Variants in CNNM2 observed in about 807,000 individuals in gnomAD.
The protein encoded by CNNM2 is metal transporter CNNM2.
Under a neutral mutation model 66.9 loss-of-function variants are expected in CNNM2, and 12 were observed. The ratio of observed to expected loss-of-function variants is 0.18; its 90% CI spans 0.11 to 0.29. The LOEUF is 0.29. Ranked by LOEUF, CNNM2 falls within the 10% of genes least tolerant of loss-of-function variation. The pLI is 1.00. For missense variants in CNNM2, 705 were observed against 1,167.7 expected, an observed-to-expected ratio of 0.60 and a Z score of 5.77; for synonymous variants, 557 against 501.8, an observed-to-expected ratio of 1.11 and a Z score of -1.47.
At chr10:102,970,955 C>T (rs2063537946) in intron 1 of CNNM2, among the ~76,000 whole-genome samples, 1 of 151,658 alleles carries the variant, frequency 6.6e-6, no homozygotes, top group African/African-American at 2.4e-5. Context: ...CTTTGGGAGG[C>T]CAAGGTAGGA....
At chr10:103,021,635 T>C (rs1207587183) in intron 1 of CNNM2, among the ~76,000 whole-genome samples, 2 of 152,124 alleles carry the variant, frequency 1.3e-5, no homozygotes, top group African/African-American at 2.4e-5. Flanking sequence ...CCTCTTGACT[T>C]CTGCTGCTTC....
chr10:102,954,199 C>T (rs1235691365), intron 1 of CNNM2, among the ~76,000 whole-genome samples: 6 of 148,820 alleles, frequency 4.0e-5, no homozygotes, highest in African/African-American at 1.5e-4. Flanking sequence ...GTGATTATAG[C>T]TCACTTTAGC....
intron 1 of CNNM2, among the ~76,000 whole-genome samples, chr10:103,023,185 A>G (rs1387625030): frequency 6.6e-6 from 1 of 152,212 alleles, no homozygotes; most frequent in Non-Finnish European, 1.5e-5. Flanking sequence ...GATTACAGGC[A>G]TAAGCCACCA....
At chr10:103,025,986 G>A (rs2064694625) in intron 1 of CNNM2, among the ~76,000 whole-genome samples, 1 of 152,180 alleles carries the variant, frequency 6.6e-6, no homozygotes, top group African/African-American at 2.4e-5. Context: ...TGAATGGATT[G>A]GTGTCATTAT....
Position 102,918,415 on chromosome 10 carries a change from G to A in CNNM2, c.-66G>A, listed in dbSNP as rs1845491456. On this transcript the variant is annotated 5_prime_UTR_variant, in exon 1 of 8. Coordinates refer to ENST00000369878, the MANE Select transcript of CNNM2 (RefSeq NM_017649.5). The surrounding 1 kb of genome is among the most constrained non-coding windows in gnomAD (Gnocchi z 4.1). The stretch of plus-strand genomic sequence containing the variant: ...GGACGCTCCGTTGCAGTCTCGCCCA[G>A]GGGCCGGTACCTGCGCTCGCGCCGC... 2 of 1,556,132 alleles carry A rather than the reference G, an allele frequency of 1.3e-6. No individual in the cohort carries two copies. The highest frequency in any genetic ancestry group is 1.7e-6 in the Non-Finnish European group (2 of 1,157,784).
chr10:103,020,156 CTTT>C (rs753529269), intron 1 of CNNM2, among the ~76,000 whole-genome samples: 1 of 145,098 alleles, frequency 6.9e-6, no homozygotes, highest in African/African-American at 2.5e-5. Flanking sequence ...CATTTTTGTT[CTTT>C]TTTTTTTTCG....
chr10:102,936,517 C>CTTTTTTTTT (rs34398870), intron 1 of CNNM2, among the ~76,000 whole-genome samples: 1 of 123,828 alleles, frequency 8.1e-6, no homozygotes. Context: ...AAACTCTTTG[C>CTTTTTTTTT]TTTTTTTTTT....
chr10:102,920,040 C>G lies in CNNM2; in HGVS notation c.1560C>G (p.His520Gln). The change falls in exon 1 of 8, where the codon CAC (histidine) becomes CAG (glutamine). Residue 520 changes from histidine (H) to glutamine (Q), a missense_variant. This residue lies in a region of CNNM2 where 171 missense variants were observed against 304.8 expected (regional missense o/e 0.56). Coordinates refer to ENST00000369878, the MANE Select transcript of CNNM2 (RefSeq NM_017649.5). ...AAACCATCACCAAATTTTATAACCACCCCTTGCACTTTGTTTTCAATGACA... is the reference window on the plus strand; with the variant it reads ...AAACCATCACCAAATTTTATAACCAGCCCTTGCACTTTGTTTTCAATGACA... ...PLKTITKFYN[H>Q]PLHFVFNDTK... 1 of 1,614,218 alleles carries G rather than the reference C, an allele frequency of 6.2e-7. No individual in the cohort carries two copies. Among genetic ancestry groups the G allele is most frequent in the Non-Finnish European group, 8.5e-7 (1 of 1,180,050 alleles).
chr10:103,017,981 A>G (rs940338668), intron 1 of CNNM2, among the ~76,000 whole-genome samples: 3 of 148,964 alleles, frequency 2.0e-5, no homozygotes, highest in South Asian at 2.2e-4. Context: ...AAAAAAAAAA[A>G]GGCAAGCCGC....
At position 103,071,796 on chromosome 10, in the gene CNNM2, C is replaced by T. The variant is rs1021927212; in HGVS notation, c.2190C>T (p.Thr730=). The change falls in exon 6 of 8, where the codon ACC becomes ACT. Residue 730 remains threonine, a synonymous_variant. Coordinates refer to ENST00000369878, the MANE Select transcript of CNNM2 (RefSeq NM_017649.5). ...ASPVPLSLSR[T]FVVSRTELLA... is the part of the protein sequence containing the mutation. ...CAGTTCCTTTGTCCCTGTCTCGTAC[C>T]TTTGTTGTCAGCAGAACAGAGTTGT... The T allele has an allele frequency of 2.9e-5, 47 of 1,613,800 alleles. No individual in the cohort carries two copies. The East Asian group carries it at 1.0e-3, about 35-fold the overall frequency.
Position 103,081,779 on chromosome 10 carries a change from C to G in CNNM2, c.*4599C>G, listed in dbSNP as rs983933232. The G allele has an allele frequency of 5.3e-5, 8 of 152,176 alleles. No individual in the cohort carries two copies. The highest frequency in any genetic ancestry group is 1.9e-4 in the African/African-American group (8 of 41,432). The allele number at this position is 152,176 out of a possible 1,614,324, so 9.4% of individuals were successfully genotyped here. On this transcript the variant is annotated 3_prime_UTR_variant, in exon 8 of 8. Transcript: ENST00000369878. The stretch of plus-strand genomic sequence containing the variant: ...CTACCTTCTTTCCTATCTGGAGATT[C>G]ATATTCTAGAGTCCCTGGTCAACCC...
chr10:103,088,265 C>T lies in CNNM2; in HGVS notation c.*11085C>T, dbSNP rs2065936358. On this transcript the variant is annotated 3_prime_UTR_variant, in exon 8 of 8. Transcript: ENST00000369878. ...AATGGTTAAAGAAAGAGTCTATAAC[C>T]ACTGTTTGTTTAAAATGTTGAAACA... The T allele has an allele frequency of 6.6e-6, 1 of 152,200 alleles. No individual in the cohort carries two copies. The highest frequency in any genetic ancestry group is 2.4e-5 in the African/African-American group (1 of 41,450). The allele number at this position is 152,200 out of a possible 1,614,324, so 9.4% of individuals were successfully genotyped here.
intron 1 of CNNM2, among the ~76,000 whole-genome samples, chr10:102,964,568 A>C (rs1377084343): frequency 6.6e-6 from 1 of 152,166 alleles, no homozygotes; most frequent in Non-Finnish European, 1.5e-5. Context: ...TAGTCTTGGC[A>C]TCAGGTGTCC....
At chr10:102,975,791 A>G (rs1231954876) in intron 1 of CNNM2, among the ~76,000 whole-genome samples, 6 of 152,178 alleles carry the variant, frequency 3.9e-5, no homozygotes, top group African/African-American at 1.2e-4. Flanking sequence ...GTTTAGGGTT[A>G]TGGAGTAACA....
At chr10:102,928,783 T>G (rs539077913) in intron 1 of CNNM2, among the ~76,000 whole-genome samples, 4 of 152,198 alleles carry the variant, frequency 2.6e-5, no homozygotes, top group African/African-American at 9.6e-5. Flanking sequence ...GCTTAATCAC[T>G]TCCCCCAAAG....
chr10:103,089,672 T>C lies in CNNM2; in HGVS notation c.*12492T>C, dbSNP rs2134444523. ...GTGCTTGGGGTTTTGGTTTTCCTCC[T>C]TATTCTTCCTCCTCCTCCTCCTCTT... On this transcript the variant is annotated 3_prime_UTR_variant, in exon 8 of 8. Transcript: ENST00000369878. 1 of 1,594,566 alleles carries C rather than the reference T, an allele frequency of 6.3e-7. No homozygotes were observed. Among genetic ancestry groups the C allele is most frequent in the East Asian group, 2.2e-5 (1 of 44,732 alleles).
In CNNM2 at chr10:103,087,032, A is replaced by AG. The variant is rs1486513611; in HGVS notation, c.*9856dup. On this transcript the variant is annotated 3_prime_UTR_variant, in exon 8 of 8. Coordinates refer to ENST00000369878, the MANE Select transcript of CNNM2 (RefSeq NM_017649.5). ...TGGGAGTTCAGTCTAGCAACCAAGA[A>AG]GGGGTTGCCTGGTGTTCTACAATGC... 6.6e-6 allele frequency: 1 copy of AG among 151,838 alleles called. No homozygotes were observed. Among genetic ancestry groups the AG allele is most frequent in the Non-Finnish European group, 1.5e-5 (1 of 68,042 alleles). 9.4% of individuals were successfully genotyped at this position (151,838 alleles called of 1,614,324 possible). A position where few individuals can be genotyped will look rare whatever the true frequency, so the allele number is the denominator to read the frequency against.
chr10:103,050,297 C>T (rs1388010155), intron 2 of CNNM2, among the ~76,000 whole-genome samples: 3 of 151,992 alleles, frequency 2.0e-5, no homozygotes, highest in South Asian at 2.1e-4. Context: ...TTTAGGAGGC[C>T]GAGGCAGGTG....
chr10:103,083,670 A>C lies in CNNM2; in HGVS notation c.*6490A>C, dbSNP rs550702295. ...TTGCAAGGATTATAATCTGTTCTCCATCAGTTACTCTCTACATAAGAACAT... is the reference window on the plus strand; with the variant it reads ...TTGCAAGGATTATAATCTGTTCTCCCTCAGTTACTCTCTACATAAGAACAT... On this transcript the variant is annotated 3_prime_UTR_variant, in exon 8 of 8. Coordinates refer to ENST00000369878, the MANE Select transcript of CNNM2 (RefSeq NM_017649.5). 78 of 152,342 alleles carry C rather than the reference A, an allele frequency of 5.1e-4. No homozygotes were observed. Among genetic ancestry groups the C allele is most frequent in the African/African-American group, 1.8e-3 (75 of 41,566 alleles). 9.4% of individuals were successfully genotyped at this position (152,342 alleles called of 1,614,324 possible).
Sources: allele counts gnomAD v4.1 joint callset (sites outside exome capture counted in the v4.1 genomes callset), GRCh38; gene constraint gnomAD v4.1.1; regional missense constraint gnomAD v4.1.1; non-coding constraint Gnocchi (gnomAD v3.1); transcripts MANE v1.5; gene names NCBI Gene and HGNC (gene_info 2026-07-23, HGNC 2026-07-21).